Variants in ALG6 observed in about 807,000 individuals in gnomAD.
The protein encoded by ALG6 is ALG6 alpha-1,3-glucosyltransferase.
In ALG6, 46 loss-of-function variants were observed where a neutral mutation model predicts 66.6. The ratio of observed to expected loss-of-function variants is 0.69; its 90% CI spans 0.55 to 0.88. The LOEUF is 0.88. ALG6 is among the 40% of genes least tolerant of loss of function. ALG6 has a pLI of 0.00. For synonymous variants in ALG6, 185 were observed against 203.7 expected (o/e 0.91, Z 0.78); for missense variants, 505 against 586.8 (o/e 0.86, Z 1.44).
At chr1:63,398,039 CATT>C (rs1301171395) in intron 3 of ALG6, among the ~76,000 whole-genome samples, 1 of 152,060 alleles carries the variant, frequency 6.6e-6, no homozygotes, top group Non-Finnish European at 1.5e-5. Flanking sequence ...CTGTTGATGA[CATT>C]ATTTATTGAC....
intron 3 of ALG6, among the ~76,000 whole-genome samples, chr1:63,400,321 G>T (rs1434638367): frequency 9.2e-5 from 2 of 21,720 alleles, no homozygotes; most frequent in Non-Finnish European, 1.5e-4. Context: ...ATATATATAC[G>T]TATATATATA....
chr1:63,383,061 C>T (rs2100391588), intron 2 of ALG6, among the ~76,000 whole-genome samples: 1 of 151,790 alleles, frequency 6.6e-6, no homozygotes, highest in African/African-American at 2.4e-5. Context: ...GATCCACCTG[C>T]CTTGGCCTCC....
intron 7 of ALG6, among the ~76,000 whole-genome samples, chr1:63,408,762 T>C (rs1047436638): frequency 6.6e-6 from 1 of 152,168 alleles, no homozygotes; most frequent in Non-Finnish European, 1.5e-5. Flanking sequence ...GCATATGTTA[T>C]CTTGTAAGGA....
intron 2 of ALG6, among the ~76,000 whole-genome samples, chr1:63,376,355 G>C (rs951509665): frequency 6.6e-6 from 1 of 152,174 alleles, no homozygotes; most frequent in Non-Finnish European, 1.5e-5. Context: ...TGACTGAGAT[G>C]TCATTATTGT....
At chr1:63,383,469 A>G (rs1570040396) in intron 2 of ALG6, among the ~76,000 whole-genome samples, 1 of 151,870 alleles carries the variant, frequency 6.6e-6, no homozygotes, top group Non-Finnish European at 1.5e-5. Context: ...AGGCTGGAGT[A>G]CAGTGGTGCC....
chr1:63,383,906 G>A (rs1648416312), intron 2 of ALG6, among the ~76,000 whole-genome samples: 1 of 152,148 alleles, frequency 6.6e-6, no homozygotes, highest in African/African-American at 2.4e-5. Context: ...CCACTAATGA[G>A]TGAGAATATT....
rs34379779 is a variant in ALG6 at position 63,422,197 on chromosome 1, CTA to C, written c.1058+2761_1058+2762del. ...AATTTATATTTATATAAATATATAT[CTA>C]TATGAATATAAATATATATTTATAT... On this transcript the variant is annotated intron_variant, in intron 12 of 14. Coordinates refer to ENST00000263440, the MANE Select transcript of ALG6 (RefSeq NM_013339.4). Among the ~76,000 whole-genome samples the C allele has an allele frequency of 7.6e-3, 764 of 101,054 alleles. 16 individuals carry two copies. The highest frequency in any genetic ancestry group is 0.045 in the South Asian group (155 of 3,416). 66.3% of individuals were successfully genotyped at this position (101,054 alleles called of 152,430 possible). A position where few individuals can be genotyped will look rare whatever the true frequency, so the allele number is the denominator to read the frequency against.
At position 63,411,458 on chromosome 1, in the gene ALG6, G is replaced by T; in HGVS notation, c.680+127G>T. 3 of 868,852 alleles carry T rather than the reference G, an allele frequency of 3.5e-6. No individual in the cohort carries two copies. The South Asian group carries it at 5.2e-5, about 15-fold the overall frequency. The allele number at this position is 868,852 out of a possible 1,614,324, so 53.8% of individuals were successfully genotyped here. A position where few individuals can be genotyped will look rare whatever the true frequency, so the allele number is the denominator to read the frequency against. ...TTTCTTATAAATATTTTGGCTGTAG[G>T]GTATGTGGGAAGAGAGAGATTAAGT... On this transcript the variant is annotated intron_variant, in intron 8 of 14. Coordinates refer to ENST00000263440, the MANE Select transcript of ALG6 (RefSeq NM_013339.4).
intron 4 of ALG6, among the ~76,000 whole-genome samples, chr1:63,402,738 A>G (rs1399014644): frequency 6.8e-6 from 1 of 147,138 alleles, no homozygotes; most frequent in Non-Finnish European, 1.5e-5. Context: ...AAGTGCTGGG[A>G]TTACAGGCAT....
intron 11 of ALG6, 48 bp from the exon 12 acceptor site, chr1:63,419,322 C>T: frequency 7.5e-7 from 1 of 1,328,786 alleles, no homozygotes; most frequent in East Asian, 2.3e-5. Flanking sequence ...ACTTGATATG[C>T]TATTTCACAA....
At chr1:63,434,824 T>C (rs9436233) in intron 14 of ALG6, among the ~76,000 whole-genome samples, 8,918 of 151,954 alleles carry the variant, frequency 0.059, 907 homozygotes, top group African/African-American at 0.2. Context: ...AGGGTATGAG[T>C]ATAGATTAAT....
chr1:63,431,428 T>C (rs887075037), intron 14 of ALG6, among the ~76,000 whole-genome samples: 1 of 152,182 alleles, frequency 6.6e-6, no homozygotes, highest in Non-Finnish European at 1.5e-5. Context: ...TATTGCTTTA[T>C]TTTTTTGAGA....
At chr1:63,422,431 A>C (rs1245333915) in intron 12 of ALG6, among the ~76,000 whole-genome samples, 1 of 34,542 alleles carries the variant, frequency 2.9e-5, no homozygotes, top group Middle Eastern at 0.02. Context: ...ATATAAATAT[A>C]AATATATATA....
At chr1:63,419,969 T>C (rs1170397873) in intron 12 of ALG6, among the ~76,000 whole-genome samples, 1 of 152,194 alleles carries the variant, frequency 6.6e-6, no homozygotes, top group Non-Finnish European at 1.5e-5. Context: ...GCTGGGAGTA[T>C]GATATCCTAA....
chr1:63,390,132 T>C (rs1057466817), intron 2 of ALG6, among the ~76,000 whole-genome samples: 6 of 152,232 alleles, frequency 3.9e-5, no homozygotes, highest in Admixed American at 3.3e-4. Context: ...TCAGCAGGTA[T>C]TGAATCCAGC....
intron 13 of ALG6, 29 bp from the exon 14 acceptor site, chr1:63,428,899 T>C (rs1230575696): frequency 1.2e-5 from 19 of 1,603,176 alleles, no homozygotes; most frequent in Non-Finnish European, 1.6e-5. Flanking sequence ...GATAATTCTC[T>C]TGTGATTTTT....
At position 63,436,966 on chromosome 1, in the gene ALG6, CATT is replaced by C. The variant is rs1475726598; in HGVS notation, c.1479_1481del (p.Ile493del). On this transcript the variant is annotated inframe_deletion, in exon 15 of 15. Coordinates refer to ENST00000263440, the MANE Select transcript of ALG6 (RefSeq NM_013339.4). ...TCCTGTTCTTCTTGGTATACTTTAA[CATT>C]ATTATTATGTGGGATTCCAAAAGTG... The C allele has an allele frequency of 6.2e-7, 1 of 1,613,566 alleles. No homozygotes were observed.
intron 13 of ALG6, 56 bp from the exon 14 acceptor site, chr1:63,428,872 T>G (rs1480623562): frequency 1.3e-6 from 2 of 1,585,300 alleles, no homozygotes; most frequent in Non-Finnish European, 8.6e-7. Flanking sequence ...TTTTATGAAG[T>G]GGTTATGGTT....
intron 14 of ALG6, 56 bp downstream of exon 14, chr1:63,429,182 A>G (rs1047693168): frequency 4.0e-6 from 5 of 1,261,414 alleles, no homozygotes; most frequent in Non-Finnish European, 4.5e-6. Context: ...ATTTTAAAAA[A>G]TTATTGAAGT....
Sources: allele counts gnomAD v4.1 joint callset (sites outside exome capture counted in the v4.1 genomes callset), GRCh38; gene constraint gnomAD v4.1.1; transcripts MANE v1.5; gene names NCBI Gene and HGNC (gene_info 2026-07-23, HGNC 2026-07-21).